The following FHIT variants were observed in gnomAD, a reference collection of about 807,000 sequenced individuals.
The protein encoded by FHIT is bis(5'-adenosyl)-triphosphatase.
FHIT carries 19 observed loss-of-function variants against 17.9 expected under a neutral mutation model. The ratio of observed to expected loss-of-function variants is 1.06; its 90% CI spans 0.74 to 1.56. FHIT has a LOEUF of 1.56. FHIT is among the 40% of genes most tolerant of loss of function. The probability of loss-of-function intolerance (pLI) is 0.00; values close to 1 mark genes in which losing one functional copy is unlikely to be tolerated. For missense variants in FHIT, 248 were observed against 189.2 expected (o/e 1.31, Z -1.82); for synonymous variants, 81 against 69.7 (o/e 1.16, Z -0.81).
intron 8 of FHIT, among the ~76,000 whole-genome samples, chr3:59,821,553 T>C (rs574327849): frequency 4.8e-4 from 73 of 152,312 alleles, no homozygotes; most frequent in African/African-American, 1.8e-3. Flanking sequence ...CACCTCTGCC[T>C]TGCAGAGTTC....
chr3:60,110,174 G>A (rs140822864), intron 5 of FHIT, among the ~76,000 whole-genome samples: 2 of 152,222 alleles, frequency 1.3e-5, no homozygotes, highest in East Asian at 3.9e-4. Context: ...TACCTCCATA[G>A]AATGATAATA....
At chr3:59,821,080 G>A (rs1295820416) in intron 8 of FHIT, among the ~76,000 whole-genome samples, 2 of 152,286 alleles carry the variant, frequency 1.3e-5, no homozygotes, top group East Asian at 3.9e-4. Context: ...ATATTCAGGA[G>A]AGAGGTGGGG....
chr3:60,864,597 G>GGCAGGAGGGCT (rs1704078340), intron 3 of FHIT, among the ~76,000 whole-genome samples: 1 of 152,022 alleles, frequency 6.6e-6, no homozygotes. Flanking sequence ...GCTCTGTATT[G>GGCAGGAGGGCT]GCAAGGAGGG....
At chr3:60,283,563 G>A (rs1216380902) in intron 5 of FHIT, among the ~76,000 whole-genome samples, 1 of 152,040 alleles carries the variant, frequency 6.6e-6, no homozygotes, top group Non-Finnish European at 1.5e-5. Flanking sequence ...AAAAAGAATT[G>A]ATCCACTAGG....
At chr3:60,964,812 A>C (rs1468185342) in intron 3 of FHIT, among the ~76,000 whole-genome samples, 1 of 152,130 alleles carries the variant, frequency 6.6e-6, no homozygotes. Context: ...TGTTAGTCTG[A>C]TGGGCTTCCC....
intron 3 of FHIT, among the ~76,000 whole-genome samples, chr3:61,036,871 G>T (rs539022586): frequency 3.7e-4 from 56 of 149,886 alleles, no homozygotes; most frequent in African/African-American, 1.3e-3. Flanking sequence ...AATTACCTTC[G>T]TGGTTTCACC....
chr3:61,011,679 T>C (rs1246775705), intron 3 of FHIT, among the ~76,000 whole-genome samples: 1 of 152,158 alleles, frequency 6.6e-6, no homozygotes, highest in Non-Finnish European at 1.5e-5. Context: ...AAGGGTATCA[T>C]GGGGATGACA....
In FHIT at chr3:61,244,362, C is replaced by T. The variant is rs569273405; in HGVS notation, c.-213+6939G>A. Among the ~76,000 whole-genome samples, 3 of 152,226 alleles carry T rather than the reference C, an allele frequency of 2.0e-5. No individual in the cohort carries two copies. In the East Asian group the frequency reaches 5.8e-4, roughly 29 times the overall value. ...ACTTACATTAGGAGGCCAGGTACCT[C>T]GAATTCCCATCCTAATAATCAGATA... On this transcript the variant is annotated intron_variant, in intron 1 of 9. Coordinates refer to ENST00000492590, the MANE Select transcript of FHIT (RefSeq NM_002012.4).
chr3:60,203,164 T>G (rs1313044340), intron 5 of FHIT, among the ~76,000 whole-genome samples: 1 of 152,160 alleles, frequency 6.6e-6, no homozygotes, highest in African/African-American at 2.4e-5. Context: ...TATAGAGAGT[T>G]TGCATGAAGT....
chr3:60,018,700 G>A (rs985945095), intron 5 of FHIT, among the ~76,000 whole-genome samples: 11 of 152,118 alleles, frequency 7.2e-5, no homozygotes, highest in African/African-American at 2.2e-4. Flanking sequence ...TTGATCGGCC[G>A]GGCGCAGTGG....
chr3:60,289,541 T>G (rs1455964361), intron 5 of FHIT, among the ~76,000 whole-genome samples: 1 of 152,214 alleles, frequency 6.6e-6, no homozygotes, highest in Non-Finnish European at 1.5e-5. Flanking sequence ...ACGGGCTATT[T>G]AAGATTCCAG....
chr3:60,371,283 A>C (rs1410886692), intron 5 of FHIT, among the ~76,000 whole-genome samples: 1 of 152,202 alleles, frequency 6.6e-6, no homozygotes, highest in African/African-American at 2.4e-5. Context: ...AATCAGTGTA[A>C]ATGTAATTGG....
intron 7 of FHIT, among the ~76,000 whole-genome samples, chr3:59,933,444 A>T (rs2107237588): frequency 6.6e-6 from 1 of 152,274 alleles, no homozygotes; most frequent in East Asian, 1.9e-4. Flanking sequence ...ATCCTCACCA[A>T]AACACTAAAA....
intron 5 of FHIT, among the ~76,000 whole-genome samples, chr3:60,505,379 C>T (rs1251689366): frequency 6.6e-6 from 1 of 152,032 alleles, no homozygotes; most frequent in African/African-American, 2.4e-5. Context: ...TGTAAAGGGC[C>T]ATTAAGTCAG....
intron 8 of FHIT, among the ~76,000 whole-genome samples, chr3:59,900,854 C>G (rs927341925): frequency 3.3e-5 from 5 of 152,202 alleles, no homozygotes; most frequent in Non-Finnish European, 5.9e-5. Context: ...CCTCAAAGGA[C>G]CCACCTGCCT....
chr3:60,442,622 A>G (rs2030988042), intron 5 of FHIT, among the ~76,000 whole-genome samples: 1 of 152,034 alleles, frequency 6.6e-6, no homozygotes, highest in South Asian at 2.1e-4. Flanking sequence ...GTCCTGTCCC[A>G]TTGGTCTATA....
chr3:60,472,616 G>A (rs547499554), intron 5 of FHIT, among the ~76,000 whole-genome samples: 75 of 152,160 alleles, frequency 4.9e-4, no homozygotes, highest in Middle Eastern at 3.4e-3. Flanking sequence ...TGATCCGCCC[G>A]TCTCGGCCTC....
At chr3:60,247,739 A>G (rs1292411169) in intron 5 of FHIT, among the ~76,000 whole-genome samples, 1 of 152,074 alleles carries the variant, frequency 6.6e-6, no homozygotes, top group East Asian at 1.9e-4. Context: ...ATTTTAGGCA[A>G]TTTTCATAAC....
chr3:60,751,269 G>A lies in FHIT; in HGVS notation c.-18+70650C>T, dbSNP rs575859118. On this transcript the variant is annotated intron_variant, in intron 4 of 9. Coordinates refer to ENST00000492590, the MANE Select transcript of FHIT (RefSeq NM_002012.4). ...GATTACTCTTTTCTAATTTTATATA[G>A]GAGGAAACTGAGGAACAGAGAGGTG... 2.6e-5 allele frequency among the ~76,000 whole-genome samples: 4 copies of A among 152,312 alleles called. No individual in the cohort carries two copies. In the South Asian group the frequency reaches 8.3e-4, roughly 32 times the overall value.
Sources: allele counts gnomAD v4.1 joint callset (sites outside exome capture counted in the v4.1 genomes callset), GRCh38; gene constraint gnomAD v4.1.1; transcripts MANE v1.5; gene names NCBI Gene and HGNC (gene_info 2026-07-23, HGNC 2026-07-21).